The following TMEM232 variants were observed in gnomAD, a reference collection of about 807,000 sequenced individuals.
TMEM232 encodes transmembrane protein 232.
A neutral mutation model predicts 78.8 loss-of-function variants in TMEM232; 80 were observed. That is an observed-to-expected ratio of 1.01 (90% confidence interval 0.85 to 1.22). The LOEUF is 1.22. Ranked by LOEUF, TMEM232 falls within the 50% of genes most tolerant of loss-of-function variation. The pLI is 0.00. For missense variants in TMEM232, 881 were observed against 742.2 expected (o/e 1.19, Z -2.17); for synonymous variants, 297 against 254.3 (o/e 1.17, Z -1.60).
chr5:110,547,348 A>C (rs191202160), intron 11 of TMEM232, among the ~76,000 whole-genome samples: 1 of 152,306 alleles, frequency 6.6e-6, no homozygotes, highest in Admixed American at 6.5e-5. Flanking sequence ...AAGTTAGAAA[A>C]TCACATAGGC....
chr5:110,617,098 A>G (rs547165454), intron 8 of TMEM232, among the ~76,000 whole-genome samples: 7 of 152,244 alleles, frequency 4.6e-5, no homozygotes, highest in Non-Finnish European at 1.0e-4. Context: ...GTCTTTAAGA[A>G]GAAGGAAGTT....
downstream of TMEM232, among the ~76,000 whole-genome samples, chr5:110,416,401 G>T (rs1053800085): frequency 6.6e-6 from 1 of 152,096 alleles, no homozygotes; most frequent in African/African-American, 2.4e-5. Flanking sequence ...AACAAATAGG[G>T]GTGTTCTTAT....
At chr5:110,500,307 AG>A (rs369443481) in intron 12 of TMEM232, among the ~76,000 whole-genome samples, 2,099 of 144,086 alleles carry the variant, frequency 0.015, 92 homozygotes, top group African/African-American at 0.055. Flanking sequence ...AAAAAAAAAA[AG>A]AAAGAAAGAA....
intron 8 of TMEM232, among the ~76,000 whole-genome samples, chr5:110,611,020 T>C (rs1259899909): frequency 6.6e-6 from 1 of 151,888 alleles, no homozygotes; most frequent in African/African-American, 2.4e-5. Flanking sequence ...TGCAGGTGAG[T>C]AGAAGAAAAA....
intron 1 of TMEM232, among the ~76,000 whole-genome samples, chr5:110,668,683 CA>C (rs1350768798): frequency 6.6e-6 from 1 of 152,186 alleles, no homozygotes; most frequent in Non-Finnish European, 1.5e-5. Context: ...ACATTCTTCT[CA>C]GCACCACATC....
At chr5:110,555,543 G>C (rs747349845) in intron 11 of TMEM232, among the ~76,000 whole-genome samples, 2 of 152,124 alleles carry the variant, frequency 1.3e-5, no homozygotes, top group Admixed American at 1.3e-4. Context: ...TCAAGTTTAG[G>C]TCCTGAATAT....
chr5:110,615,705 T>C (rs73224398), intron 8 of TMEM232, among the ~76,000 whole-genome samples: 2,828 of 152,092 alleles, frequency 0.019, 107 homozygotes, highest in African/African-American at 0.065. Flanking sequence ...CTTTGTTTGC[T>C]GACCAAATGA....
intron 2 of TMEM232, among the ~76,000 whole-genome samples, chr5:110,646,758 T>C (rs769045265): frequency 1.1e-4 from 17 of 151,776 alleles, no homozygotes; most frequent in Non-Finnish European, 1.6e-4. Flanking sequence ...AATCTACGAA[T>C]TGATAGAAAA....
intron 12 of TMEM232, among the ~76,000 whole-genome samples, chr5:110,426,954 T>C (rs1053360389): frequency 6.6e-6 from 1 of 151,988 alleles, no homozygotes; most frequent in Non-Finnish European, 1.5e-5. Context: ...TGTTTAAGTT[T>C]TAAAAAATGT....
upstream of TMEM232, among the ~76,000 whole-genome samples, chr5:110,729,951 C>T (rs182058068): frequency 6.6e-6 from 1 of 152,304 alleles, no homozygotes; most frequent in East Asian, 1.9e-4. Context: ...ACTGTTCTCT[C>T]AGGATAACTT....
intron 10 of TMEM232, among the ~76,000 whole-genome samples, chr5:110,593,691 G>A (rs1322418152): frequency 2.6e-5 from 4 of 152,164 alleles, no homozygotes; most frequent in Admixed American, 2.0e-4. Context: ...AGGGTGATGA[G>A]GAGGAAATAG....
At chr5:110,694,867 C>T (rs938249272) in intron 1 of TMEM232, among the ~76,000 whole-genome samples, 1 of 152,010 alleles carries the variant, frequency 6.6e-6, no homozygotes, top group African/African-American at 2.4e-5. Context: ...ACTTTAACAC[C>T]CCACTGTCAA....
chr5:110,425,899 A>G (rs1757179927), intron 12 of TMEM232, among the ~76,000 whole-genome samples: 1 of 152,056 alleles, frequency 6.6e-6, no homozygotes, highest in African/African-American at 2.4e-5. Flanking sequence ...TTATTTCTCC[A>G]TTAGCTTTAA....
At chr5:110,526,179 C>A (rs1318925658) in intron 12 of TMEM232, among the ~76,000 whole-genome samples, 1 of 147,472 alleles carries the variant, frequency 6.8e-6, no homozygotes, top group African/African-American at 2.5e-5. Flanking sequence ...ATAAATAGAA[C>A]AAAAAAATCC....
At chr5:110,641,962 G>C (rs1311809730) in intron 3 of TMEM232, among the ~76,000 whole-genome samples, 1 of 151,978 alleles carries the variant, frequency 6.6e-6, no homozygotes, top group African/African-American at 2.4e-5. Context: ...TTGAGACACA[G>C]CATATCTCAA....
intron 1 of TMEM232, among the ~76,000 whole-genome samples, chr5:110,714,229 G>A (rs1796789886): frequency 1.3e-5 from 2 of 152,208 alleles, no homozygotes; most frequent in Admixed American, 6.5e-5. Context: ...GACACGTACT[G>A]ATTACAACCT....
chr5:110,576,507 C>T (rs1012831194), intron 10 of TMEM232, among the ~76,000 whole-genome samples: 1 of 152,030 alleles, frequency 6.6e-6, no homozygotes, highest in Non-Finnish European at 1.5e-5. Context: ...CTATCACTGA[C>T]ATTCTTGACA....
Position 110,398,458 on chromosome 5 carries a change from T to C in TMEM232, n.309-604A>G, listed in dbSNP as rs182540410. ...CCCAAAAGTGCTCCAGGTTTGAGGA[T>C]AGGAGCAGAGGCTATGGTTGGTGCC... On this transcript the variant is annotated intron_variant and non_coding_transcript_variant, in intron 2 of 8. Coordinates refer to the TMEM232 transcript ENST00000507188. 1.3e-3 allele frequency among the ~76,000 whole-genome samples: 203 copies of C among 152,252 alleles called. 1 individual carries two copies. The highest frequency in any genetic ancestry group is 4.7e-3 in the African/African-American group (197 of 41,564).
chr5:110,695,772 T>C (rs566672719), intron 1 of TMEM232, among the ~76,000 whole-genome samples: 3 of 152,170 alleles, frequency 2.0e-5, no homozygotes, highest in Non-Finnish European at 4.4e-5. Flanking sequence ...AATCTCTGAA[T>C]AGACCAATAA....
Sources: allele counts gnomAD v4.1 joint callset (sites outside exome capture counted in the v4.1 genomes callset), GRCh38; gene constraint gnomAD v4.1.1; transcripts MANE v1.5; gene names NCBI Gene and HGNC (gene_info 2026-07-23, HGNC 2026-07-21).